Variants in COG6 observed in about 807,000 individuals in gnomAD.
COG6 encodes component of oligomeric golgi complex 6, also known as conserved oligomeric Golgi complex subunit 6.
Under a neutral mutation model 88.8 loss-of-function variants are expected in COG6, and 74 were observed. That is an observed-to-expected ratio of 0.83 (90% CI 0.69 to 1.01). The LOEUF is 1.01. Among genes scored for constraint, COG6 ranks in the 50% least tolerant of loss-of-function variants. COG6 has a pLI of 0.00. For synonymous variants in COG6, 286 were observed against 278.7 expected, an observed-to-expected ratio of 1.03 and a Z score of -0.26; for missense variants, 800 against 797.9, an observed-to-expected ratio of 1.00 and a Z score of -0.03.
rs372151578 is a variant in COG6, at chr13:39,660,760, C to A, written c.298-50C>A. ...AAGGATTTAGCTAACAGAAGAGAAT[C>A]TTCTTCTTGCTGTATATATGATGTT... On this transcript the variant is annotated intron_variant, in intron 2 of 18. Transcript: ENST00000455146. The A allele has an allele frequency of 5.1e-6, 6 of 1,186,562 alleles. No individual in the cohort carries two copies. In the African/African-American group the frequency reaches 7.5e-5, roughly 15 times the overall value. 73.5% of individuals were successfully genotyped at this position (1,186,562 alleles called of 1,614,324 possible). A position where few individuals can be genotyped will look rare whatever the true frequency, so the allele number is the denominator to read the frequency against.
At chr13:39,714,516 T>C (rs1465147005) in intron 13 of COG6, among the ~76,000 whole-genome samples, 1 of 151,666 alleles carries the variant, frequency 6.6e-6, no homozygotes, top group African/African-American at 2.4e-5. Context: ...AACAAACATA[T>C]GAAAAATGCT....
chr13:39,735,424 A>G (rs1489374732), intron 18 of COG6, among the ~76,000 whole-genome samples: 3 of 121,746 alleles, frequency 2.5e-5, no homozygotes, highest in African/African-American at 9.0e-5. Context: ...CCCTGCTAAT[A>G]TTTGTTTTTT....
At chr13:39,739,821 T>G (rs888880711) in intron 18 of COG6, among the ~76,000 whole-genome samples, 9 of 152,110 alleles carry the variant, frequency 5.9e-5, no homozygotes, top group Admixed American at 2.0e-4. Context: ...TTGAAAAGAA[T>G]TAATAAAACT....
intron 13 of COG6, among the ~76,000 whole-genome samples, chr13:39,701,838 C>T (rs9315726): frequency 0.23 from 35,311 of 151,364 alleles, 4,351 homozygotes; most frequent in Non-Finnish European, 0.28. Context: ...ATGCATTAGG[C>T]GTTTGTATTA....
intron 8 of COG6, among the ~76,000 whole-genome samples, chr13:39,683,145 C>T (rs1306663909): frequency 6.6e-6 from 1 of 152,158 alleles, no homozygotes; most frequent in East Asian, 1.9e-4. Flanking sequence ...TGTTAAGCAC[C>T]ATTTTAAATT....
intron 5 of COG6, among the ~76,000 whole-genome samples, chr13:39,677,788 CTATGTCACCTAT>C (rs1876062892): frequency 6.6e-6 from 1 of 152,110 alleles, no homozygotes; most frequent in African/African-American, 2.4e-5. Context: ...AAAAGAAAAT[CTATGTCACCTAT>C]TTTACTCTTC....
chr13:39,731,829 A>G (rs1879468682), intron 18 of COG6, among the ~76,000 whole-genome samples: 1 of 152,148 alleles, frequency 6.6e-6, no homozygotes, highest in African/African-American at 2.4e-5. Context: ...TTGGGGTAAA[A>G]TTAAAAAAAA....
At chr13:39,672,227 A>G (rs964112304) in intron 4 of COG6, among the ~76,000 whole-genome samples, 5 of 152,052 alleles carry the variant, frequency 3.3e-5, no homozygotes, top group African/African-American at 1.2e-4. Flanking sequence ...TTATAATAAT[A>G]CATGTAATTG....
At chr13:39,763,163 T>A (rs1881073415) in intron 18 of COG6, among the ~76,000 whole-genome samples, 2 of 151,846 alleles carry the variant, frequency 1.3e-5, no homozygotes, top group African/African-American at 4.8e-5. Flanking sequence ...CCTTTCTGTA[T>A]AAATCACTGG....
chr13:39,754,625 G>A (rs2138155021), downstream of COG6, among the ~76,000 whole-genome samples: 1 of 152,062 alleles, frequency 6.6e-6, no homozygotes. Flanking sequence ...TTGGCATAGG[G>A]CCTGGGCTAA....
At chr13:39,767,291 G>A (rs926182918) in intron 18 of COG6, among the ~76,000 whole-genome samples, 6 of 152,172 alleles carry the variant, frequency 3.9e-5, no homozygotes, top group Admixed American at 2.0e-4. Flanking sequence ...GGCTCCTTCC[G>A]GACTAAGTTG....
At chr13:39,659,317 A>G in intron 1 of COG6, 47 bp from the exon 2 acceptor site, 3 of 1,569,078 alleles carry the variant, frequency 1.9e-6, no homozygotes, top group South Asian at 1.1e-5. Flanking sequence ...ATTTGAAACC[A>G]TTTAAAAATT....
chr13:39,738,255 A>G (rs1276215534), intron 18 of COG6, among the ~76,000 whole-genome samples: 2 of 152,146 alleles, frequency 1.3e-5, no homozygotes, highest in Non-Finnish European at 2.9e-5. Flanking sequence ...AATTTTAAAC[A>G]CATAAAACAT....
chr13:39,749,007 G>A (rs1880484517), intron 18 of COG6, among the ~76,000 whole-genome samples: 1 of 152,062 alleles, frequency 6.6e-6, no homozygotes, highest in South Asian at 2.1e-4. Flanking sequence ...ATAATTCCTA[G>A]AAAAACAAAG....
chr13:39,678,188 T>C (rs1876091330), intron 5 of COG6: 1 of 355,824 alleles, frequency 2.8e-6, no homozygotes, highest in Admixed American at 3.7e-5. Flanking sequence ...CATCTCAGCC[T>C]CCCAGGTAGC....
intron 13 of COG6, among the ~76,000 whole-genome samples, chr13:39,711,462 G>A (rs544322018): frequency 7.9e-5 from 12 of 152,132 alleles, no homozygotes; most frequent in Admixed American, 3.9e-4. Context: ...GGTTATAAGC[G>A]TGACCTTTGG....
At chr13:39,749,033 T>C (rs1566038466) in intron 18 of COG6, among the ~76,000 whole-genome samples, 2 of 152,238 alleles carry the variant, frequency 1.3e-5, no homozygotes. Flanking sequence ...GTTCTGTTGA[T>C]GATGACTTCA....
chr13:39,766,836 T>C (rs1881179852), intron 18 of COG6, among the ~76,000 whole-genome samples: 1 of 152,162 alleles, frequency 6.6e-6, no homozygotes, highest in East Asian at 1.9e-4. Context: ...ATCCTCCTAC[T>C]TTTTTGCGCT....
chr13:39,761,853 A>T (rs1881026583), intron 18 of COG6, among the ~76,000 whole-genome samples: 1 of 151,884 alleles, frequency 6.6e-6, no homozygotes, highest in East Asian at 1.9e-4. Flanking sequence ...TTTGGCTATT[A>T]TCAAAAAGAG....
Sources: gnomAD v4.1 joint callset for allele counts (sites outside exome capture counted in the v4.1 genomes callset) on GRCh38, gnomAD v4.1.1 for gene constraint, MANE v1.5 for transcripts, NCBI Gene and HGNC (gene_info 2026-07-23, HGNC 2026-07-21) for gene names.